The following UNC5C variants were observed in gnomAD, a reference collection of about 807,000 sequenced individuals.
UNC5C encodes unc-5 netrin receptor C.
A neutral mutation model predicts 99.8 loss-of-function variants in UNC5C; 47 were observed. The observed-to-expected ratio is 0.47, with a 90% CI of 0.37 to 0.60. The LOEUF (loss-of-function observed/expected upper bound fraction) is 0.60. Ranked by LOEUF, UNC5C falls within the 20% of genes least tolerant of loss-of-function variation. UNC5C has a pLI of 0.00. For synonymous variants in UNC5C, 487 were observed against 452.2 expected (o/e 1.08, Z -0.98); for missense variants, 1,062 against 1,165.9 (o/e 0.91, Z 1.30).
chr4:95,250,719 GCTGT>G (rs1247567446), intron 4 of UNC5C, 52 bp from the exon 5 acceptor site: 1 of 1,569,516 alleles, frequency 6.4e-7, no homozygotes, highest in Non-Finnish European at 8.7e-7. Flanking sequence ...TCCCCTGATG[GCTGT>G]CTGTCCTAAC....
At chr4:95,540,007 A>G (rs1722876649) in intron 1 of UNC5C, among the ~76,000 whole-genome samples, 1 of 151,882 alleles carries the variant, frequency 6.6e-6, no homozygotes, top group Non-Finnish European at 1.5e-5. Context: ...AGATTTATAT[A>G]TGTGTGTATA....
intron 11 of UNC5C, among the ~76,000 whole-genome samples, chr4:95,204,591 A>G (rs1737807039): frequency 6.6e-6 from 1 of 152,192 alleles, no homozygotes; most frequent in African/African-American, 2.4e-5. Flanking sequence ...CTTTTAATTA[A>G]CTCGAATTTA....
intron 3 of UNC5C, among the ~76,000 whole-genome samples, chr4:95,291,783 C>T (rs1049113405): frequency 1.3e-5 from 2 of 151,868 alleles, no homozygotes; most frequent in African/African-American, 4.8e-5. Context: ...ATATTTTTCC[C>T]TTATCTAAAA....
intron 4 of UNC5C, among the ~76,000 whole-genome samples, chr4:95,267,233 T>C (rs1266279159): frequency 6.6e-6 from 1 of 152,212 alleles, no homozygotes. Flanking sequence ...TTCTTCACAA[T>C]GCCCTGGGCA....
intron 1 of UNC5C, among the ~76,000 whole-genome samples, chr4:95,364,209 C>T (rs902158671): frequency 2.0e-5 from 3 of 152,158 alleles, no homozygotes; most frequent in Non-Finnish European, 2.9e-5. Flanking sequence ...TACAACACTG[C>T]TTTCCTGGCA....
chr4:95,422,830 C>T (rs1280919883), intron 1 of UNC5C, among the ~76,000 whole-genome samples: 4 of 152,124 alleles, frequency 2.6e-5, no homozygotes, highest in Non-Finnish European at 4.4e-5. Context: ...TTTGCACACA[C>T]ATGTGTGGTT....
At chr4:95,299,769 T>C (rs1304826386) in intron 3 of UNC5C, among the ~76,000 whole-genome samples, 1 of 152,062 alleles carries the variant, frequency 6.6e-6, no homozygotes, top group African/African-American at 2.4e-5. Flanking sequence ...TAGAACAGCA[T>C]AGGGAAAATC....
chr4:95,294,011 G>T (rs562385625), intron 3 of UNC5C, among the ~76,000 whole-genome samples: 1 of 152,222 alleles, frequency 6.6e-6, no homozygotes, highest in South Asian at 2.1e-4. Context: ...TGAAGCTATT[G>T]TAAGGGTACA....
chr4:95,304,954 G>C (rs1172250710), intron 2 of UNC5C, among the ~76,000 whole-genome samples: 2 of 152,156 alleles, frequency 1.3e-5, no homozygotes, highest in African/African-American at 2.4e-5. Flanking sequence ...GCTCATGGAT[G>C]GTTCTACTGA....
chr4:95,548,574 T>C lies in UNC5C; in HGVS notation c.124+160A>G, dbSNP rs372129307. Among the ~76,000 whole-genome samples the C allele has an allele frequency of 8.6e-5, 13 of 151,986 alleles. 1 individual carries two copies. In the East Asian group the frequency reaches 2.5e-3, roughly 29 times the overall value. Reference sequence around the variant, plus strand: ...ATAATAATAATTATTATTATTATAATCAAAGCTTCTTGACTAGTTGGGAAA... The same window carrying C: ...ATAATAATAATTATTATTATTATAACCAAAGCTTCTTGACTAGTTGGGAAA... On this transcript the variant is annotated intron_variant, in intron 1 of 15. Coordinates refer to ENST00000453304, the MANE Select transcript of UNC5C (RefSeq NM_003728.4).
chr4:95,421,150 T>C (rs1356377495), intron 1 of UNC5C, among the ~76,000 whole-genome samples: 1 of 152,234 alleles, frequency 6.6e-6, no homozygotes, highest in Non-Finnish European at 1.5e-5. Context: ...AAACAAATTA[T>C]ACTGGATCCT....
chr4:95,179,005 T>C (rs1736487099), intron 14 of UNC5C, among the ~76,000 whole-genome samples: 1 of 152,218 alleles, frequency 6.6e-6, no homozygotes, highest in African/African-American at 2.4e-5. Flanking sequence ...TTCCTTTACT[T>C]CCAGGTAAAA....
At chr4:95,398,041 T>C (rs1347844326) in intron 1 of UNC5C, among the ~76,000 whole-genome samples, 1 of 134,722 alleles carries the variant, frequency 7.4e-6, no homozygotes, top group African/African-American at 2.8e-5. Flanking sequence ...TAGCCAAATG[T>C]AGCTTTTTTT....
intron 2 of UNC5C, among the ~76,000 whole-genome samples, chr4:95,328,753 C>A (rs1743001162): frequency 6.6e-6 from 1 of 151,662 alleles, no homozygotes; most frequent in Non-Finnish European, 1.5e-5. Context: ...TTAATGATTG[C>A]CATTCTAACT....
chr4:95,451,866 T>C (rs989207351), intron 1 of UNC5C, among the ~76,000 whole-genome samples: 1 of 152,226 alleles, frequency 6.6e-6, no homozygotes, highest in African/African-American at 2.4e-5. Context: ...TCTTATACTA[T>C]ATGTCTTAAA....
chr4:95,270,187 A>C (rs1438073285), intron 4 of UNC5C, among the ~76,000 whole-genome samples: 4 of 152,222 alleles, frequency 2.6e-5, no homozygotes, highest in Admixed American at 2.6e-4. Context: ...CAATCAAAAA[A>C]GTTCTCTACT....
intron 1 of UNC5C, among the ~76,000 whole-genome samples, chr4:95,497,600 A>G (rs1560484999): frequency 1.3e-5 from 2 of 151,984 alleles, no homozygotes; most frequent in Non-Finnish European, 2.9e-5. Flanking sequence ...GTAAACAAAT[A>G]ACAAGACTTA....
chr4:95,468,179 C>A (rs1489747749), intron 1 of UNC5C, among the ~76,000 whole-genome samples: 1 of 151,086 alleles, frequency 6.6e-6, no homozygotes, highest in African/African-American at 2.4e-5. Context: ...TATAAAGTAC[C>A]AATCTTCCTT....
intron 1 of UNC5C, among the ~76,000 whole-genome samples, chr4:95,528,465 C>T (rs1293807508): frequency 1.3e-5 from 2 of 152,050 alleles, no homozygotes; most frequent in African/African-American, 2.4e-5. Flanking sequence ...ATCAGAGGAC[C>T]AATGAGACCA....
Sources: gnomAD v4.1 joint callset for allele counts (sites outside exome capture counted in the v4.1 genomes callset) on GRCh38, gnomAD v4.1.1 for gene constraint, MANE v1.5 for transcripts, NCBI Gene and HGNC (gene_info 2026-07-23, HGNC 2026-07-21) for gene names.